The following CHMP1A variants were observed in gnomAD, a reference collection of about 807,000 sequenced individuals.
CHMP1A encodes the protein charged multivesicular body protein 1A, also known as VPS46 homolog A.
Under a neutral mutation model 27.0 loss-of-function variants are expected in CHMP1A, and 17 were observed. The observed-to-expected ratio is 0.63, with a 90% CI of 0.43 to 0.95. The LOEUF is 0.95. Among genes scored for constraint, CHMP1A ranks in the 40% least tolerant of loss-of-function variants. The pLI is 0.00. For synonymous variants in CHMP1A, 131 were observed against 107.5 expected, an observed-to-expected ratio of 1.22 and a Z score of -1.35; for missense variants, 275 against 264.0, an observed-to-expected ratio of 1.04 and a Z score of -0.29.
chr16:89,650,291 G>A (rs1042505746), intron 3 of CHMP1A, among the ~76,000 whole-genome samples: 2 of 151,906 alleles, frequency 1.3e-5, no homozygotes, highest in African/African-American at 4.8e-5. Context: ...CAATTCTCCC[G>A]CCTCAGCCTT....
intron 2 of CHMP1A, among the ~76,000 whole-genome samples, chr16:89,652,999 T>C (rs533801543): frequency 2.8e-4 from 42 of 148,026 alleles, no homozygotes; most frequent in Non-Finnish European, 5.3e-4. Context: ...ATGCCCAAGT[T>C]GTCTTTTTTT....
In CHMP1A at chr16:89,649,447, G is replaced by A. The variant is rs750966720; in HGVS notation, c.156C>T (p.Ala52=). 6.2e-7 allele frequency: 1 copy of A among 1,613,758 alleles called. No individual in the cohort carries two copies. The highest frequency in any genetic ancestry group is 2.2e-5 in the East Asian group (1 of 44,878). The change falls in exon 4 of 7, where the codon GCC becomes GCT. Residue 52 remains alanine (A), a synonymous_variant. Coordinates refer to ENST00000397901, the MANE Select transcript of CHMP1A (RefSeq NM_002768.5). ...TCACACCTTCGTTCTTCTTGCGGAT[G>A]GCGTTCTCGGCATACACACGGGCAC... ...VECARVYAEN[A]IRKKNEGVNW... is the part of the protein sequence containing the mutation.
intron 4 of CHMP1A, among the ~76,000 whole-genome samples, chr16:89,648,378 C>T (rs1488065473): frequency 1.9e-5 from 2 of 107,664 alleles, no homozygotes; most frequent in African/African-American, 6.4e-5. Context: ...AGCGCGGGGT[C>T]GGTGGAGAAA....
intron 1 of CHMP1A, among the ~76,000 whole-genome samples, chr16:89,655,402 TTTCCCTCACCTCAG>T (rs2059856895): frequency 2.0e-5 from 3 of 151,218 alleles, no homozygotes; most frequent in Admixed American, 2.0e-4. Context: ...TCACCTCAGC[TTTCCCTCACCTCAG>T]CTTTCCCTCA....
rs764880753 is a variant in CHMP1A, at chr16:89,651,653, G to A, written c.28-7C>T. ...CCAGCTGCTTCGCCGTGAACTGAGC[G>A]GAAGCCGGAATGTCCTGGGTCAGAC... On this transcript the variant is annotated splice_region_variant and splice_polypyrimidine_tract_variant and intron_variant, in intron 2 of 6. Coordinates refer to ENST00000397901, the MANE Select transcript of CHMP1A (RefSeq NM_002768.5). 1.5e-5 allele frequency: 24 copies of A among 1,613,176 alleles called. No individual in the cohort carries two copies. In the African/African-American group the frequency reaches 1.9e-4, roughly 13 times the overall value.
At chr16:89,652,612 A>G (rs2059834071) in intron 2 of CHMP1A, among the ~76,000 whole-genome samples, 1 of 151,862 alleles carries the variant, frequency 6.6e-6, no homozygotes, top group African/African-American at 2.4e-5. Context: ...CTGGCAACCC[A>G]TCTGGAACCA....
At chr16:89,652,911 A>C (rs1023330733) in intron 2 of CHMP1A, among the ~76,000 whole-genome samples, 1 of 151,332 alleles carries the variant, frequency 6.6e-6, no homozygotes, top group Non-Finnish European at 1.5e-5. Context: ...CCTCCACCCC[A>C]CGTGGGAGGA....
intron 3 of CHMP1A, 23 bp from the exon 4 acceptor site, chr16:89,649,520 G>C: frequency 6.2e-7 from 1 of 1,613,020 alleles, no homozygotes; most frequent in Non-Finnish European, 8.5e-7. Flanking sequence ...GGGGAAAGCA[G>C]CTGGAAGAGC....
Position 89,645,732 on chromosome 16 carries a change from G to T in CHMP1A, c.*334C>A. The T allele has an allele frequency of 2.0e-6, 1 of 502,058 alleles. No homozygotes were observed. The highest frequency in any genetic ancestry group is 2.0e-5 in the South Asian group (1 of 49,254). The allele number at this position is 502,058 out of a possible 1,614,324, so 31.1% of individuals were successfully genotyped here. ...CAGCCCTGACCCCCTCTGGCTGATG[G>T]GAAGCAGCATGTCTGCTGCCCCAGA... On this transcript the variant is annotated 3_prime_UTR_variant, in exon 7 of 7. Transcript: ENST00000397901.
At chr16:89,646,411 CCTGGTCG>C (rs1377092457) in intron 6 of CHMP1A, 109 bp downstream of exon 6, 2 of 1,195,634 alleles carry the variant, frequency 1.7e-6, no homozygotes, top group African/African-American at 3.1e-5. Context: ...ATCAGGGCTC[CCTGGTCG>C]GAGCCTCAGC....
intron 3 of CHMP1A, among the ~76,000 whole-genome samples, chr16:89,650,922 C>G (rs1275308900): frequency 6.6e-6 from 1 of 152,210 alleles, no homozygotes; most frequent in Non-Finnish European, 1.5e-5. Flanking sequence ...AGGCAATGCA[C>G]TCATCTCTGT....
intron 1 of CHMP1A, among the ~76,000 whole-genome samples, chr16:89,656,635 C>T (rs1420043237): frequency 6.6e-6 from 1 of 152,244 alleles, no homozygotes; most frequent in African/African-American, 2.4e-5. Flanking sequence ...GCTCAAACCT[C>T]TGCTTCCCCA....
At chr16:89,647,356 G>A (rs2059783416) in intron 4 of CHMP1A, 25 bp from the exon 5 acceptor site, 3 of 1,593,712 alleles carry the variant, frequency 1.9e-6, no homozygotes, top group African/African-American at 1.3e-5. Context: ...AGCGCAGGAG[G>A]GAACAGGATG....
intron 3 of CHMP1A, 120 bp from the exon 4 acceptor site, chr16:89,649,617 C>T: frequency 7.8e-7 from 1 of 1,277,964 alleles, no homozygotes; most frequent in Non-Finnish European, 1.1e-6. Context: ...GCTCTGTTGC[C>T]CAGGCTGGAG....
chr16:89,649,158 C>T (rs1387757704), intron 4 of CHMP1A, 193 bp downstream of exon 4: 3 of 357,938 alleles, frequency 8.4e-6, no homozygotes, highest in Admixed American at 1.2e-4. Context: ...TCCAGCTTAA[C>T]TCAACCTCCC....
In CHMP1A at chr16:89,657,656, C is replaced by T; in HGVS notation, c.-68G>A. On this transcript the variant is annotated 5_prime_UTR_variant, in exon 1 of 7. Transcript: ENST00000397901. ...GCCAACTCCGGGCGGTGTCAGGTCC[C>T]GGCGGCGATCGAACCGACCAAGCTG... The T allele has an allele frequency of 1.2e-6, 2 of 1,602,010 alleles. No individual in the cohort carries two copies. The highest frequency in any genetic ancestry group is 1.7e-6 in the Non-Finnish European group (2 of 1,175,440).
Position 89,651,658 on chromosome 16 carries a change from C to G in CHMP1A, c.28-12G>C. 1.2e-6 allele frequency: 2 copies of G among 1,613,216 alleles called. No homozygotes were observed. The highest frequency in any genetic ancestry group is 1.7e-6 in the Non-Finnish European group (2 of 1,179,734). On this transcript the variant is annotated splice_polypyrimidine_tract_variant and intron_variant, in intron 2 of 6. Transcript: ENST00000397901. ...TGCTTCGCCGTGAACTGAGCGGAAG[C>G]CGGAATGTCCTGGGTCAGACATGCG...
chr16:89,654,827 C>T (rs1317207199), intron 1 of CHMP1A, among the ~76,000 whole-genome samples: 1 of 151,952 alleles, frequency 6.6e-6, no homozygotes, highest in Admixed American at 6.6e-5. Flanking sequence ...CCTGTAGTCC[C>T]AGCTACTCAG....
chr16:89,651,752 C>A, intron 2 of CHMP1A, 106 bp from the exon 3 acceptor site: 1 of 1,099,628 alleles, frequency 9.1e-7, no homozygotes, highest in Non-Finnish European at 1.3e-6. Context: ...CACACAGGTT[C>A]CTAAGCCCCC....
Sources: allele counts gnomAD v4.1 joint callset (sites outside exome capture counted in the v4.1 genomes callset), GRCh38; gene constraint gnomAD v4.1.1; transcripts MANE v1.5; gene names NCBI Gene and HGNC (gene_info 2026-07-23, HGNC 2026-07-21).